NUAK1: variants seen among roughly 807,000 people sequenced by gnomAD.
NUAK1 encodes NUAK family SNF1-like kinase 1.
NUAK1 carries 26 observed loss-of-function variants against 56.9 expected under a neutral mutation model. The observed-to-expected ratio is 0.46, with a 90% CI of 0.33 to 0.63. The LOEUF is 0.63. Among genes scored for constraint, NUAK1 ranks in the 30% least tolerant of loss-of-function variants. The probability of loss-of-function intolerance (pLI) is 0.02; values close to 1 mark genes in which losing one functional copy is unlikely to be tolerated. For missense variants in NUAK1, 727 were observed against 876.1 expected (o/e 0.83, Z 2.15); for synonymous variants, 337 against 336.0 (o/e 1.00, Z -0.03).
intron 4 of NUAK1, among the ~76,000 whole-genome samples, chr12:106,074,057 A>G (rs2032436697): frequency 1.3e-5 from 2 of 151,988 alleles, no homozygotes; most frequent in South Asian, 4.2e-4. Flanking sequence ...ATATACATAC[A>G]TATACATATA....
At chr12:106,126,102 G>A (rs2033022589) in intron 1 of NUAK1, among the ~76,000 whole-genome samples, 1 of 152,110 alleles carries the variant, frequency 6.6e-6, no homozygotes, top group Non-Finnish European at 1.5e-5. Context: ...AAAATTCTGA[G>A]AGATTAAAGA....
intron 4 of NUAK1, among the ~76,000 whole-genome samples, chr12:106,081,791 C>T (rs1218573410): frequency 6.6e-6 from 1 of 152,202 alleles, no homozygotes; most frequent in Admixed American, 6.5e-5. Flanking sequence ...CCATAGAACC[C>T]AACCCCTAGG....
At position 106,138,644 on chromosome 12, in the gene NUAK1, C is replaced by A. The variant is rs1418981735; in HGVS notation, c.10G>T (p.Ala4Ser). The A allele has an allele frequency of 6.5e-7, 1 of 1,540,396 alleles. No homozygotes were observed. The highest frequency in any genetic ancestry group is 8.7e-7 in the Non-Finnish European group (1 of 1,152,386). ...CGGTCCCCCGCCACAGGCGCGGCGG[C>A]CCCTTCCATGTCCAAGCGCGGGGCG... MEG[A>S]AAPVAGDRPD... The change falls in exon 1 of 7, where the codon GCC becomes TCC. Residue 4 changes from alanine to serine, a missense_variant. Transcript: ENST00000261402. The surrounding 1 kb of genome is among the most constrained non-coding windows in gnomAD (Gnocchi z 5.0).
intron 1 of NUAK1, among the ~76,000 whole-genome samples, chr12:106,107,713 C>A (rs1232959220): frequency 1.3e-5 from 2 of 152,194 alleles, no homozygotes; most frequent in Non-Finnish European, 2.9e-5. Context: ...TTTAGGAGCA[C>A]GTGCTACTTC....
In NUAK1 at chr12:106,138,708, G is replaced by A; in HGVS notation, c.-55C>T. 6.9e-7 allele frequency: 1 copy of A among 1,442,370 alleles called. No individual in the cohort carries two copies. Among genetic ancestry groups the A allele is most frequent in the African/African-American group, 1.4e-5 (1 of 69,410 alleles). 89.3% of individuals were successfully genotyped at this position (1,442,370 alleles called of 1,614,324 possible). A position where few individuals can be genotyped will look rare whatever the true frequency, so the allele number is the denominator to read the frequency against. On this transcript the variant is annotated 5_prime_UTR_variant, in exon 1 of 7. Coordinates refer to ENST00000261402, the MANE Select transcript of NUAK1 (RefSeq NM_014840.3). The surrounding 1 kb of genome is among the most constrained non-coding windows in gnomAD (Gnocchi z 5.0). ...AGGGCAAGACCGGGCACAGCGCTGG[G>A]ATGTCGGGGTCCCCACCGAGGGAAG...
chr12:106,117,847 T>C (rs188192183), intron 1 of NUAK1, among the ~76,000 whole-genome samples: 2 of 152,290 alleles, frequency 1.3e-5, no homozygotes, highest in Admixed American at 6.5e-5. Context: ...GCCCCAGACA[T>C]AGCAAGCAGA....
chr12:106,077,788 C>T (rs554743025), intron 4 of NUAK1, among the ~76,000 whole-genome samples: 8 of 152,214 alleles, frequency 5.3e-5, no homozygotes, highest in East Asian at 1.9e-4. Context: ...GTGTATAATA[C>T]GCACTTGCAC....
Position 106,138,685 on chromosome 12 carries a change from G to A in NUAK1, c.-32C>T. The A allele has an allele frequency of 6.8e-7, 1 of 1,475,044 alleles. No homozygotes were observed. The highest frequency in any genetic ancestry group is 8.9e-7 in the Non-Finnish European group (1 of 1,122,674). 91.4% of individuals were successfully genotyped at this position (1,475,044 alleles called of 1,614,324 possible). The stretch of plus-strand genomic sequence containing the variant: ...GCGCGGGGCGAGCCGGGCTACAGAG[G>A]GCAAGACCGGGCACAGCGCTGGGAT... On this transcript the variant is annotated 5_prime_UTR_variant, in exon 1 of 7. Transcript: ENST00000261402. This position sits in a 1 kb window ranked among gnomAD's most constrained non-coding sequence, Gnocchi z 5.0.
intron 2 of NUAK1, among the ~76,000 whole-genome samples, chr12:106,101,970 C>T (rs1019868233): frequency 6.6e-6 from 1 of 152,138 alleles, no homozygotes. Flanking sequence ...TGGAATACAG[C>T]CTTGGCAATC....
chr12:106,063,631 C>T lies in NUAK1; in HGVS notation c.*3171G>A, dbSNP rs995717329. 6.6e-6 allele frequency: 1 copy of T among 150,402 alleles called. No individual in the cohort carries two copies. Among genetic ancestry groups the T allele is most frequent in the African/African-American group, 2.5e-5 (1 of 40,736 alleles). 9.3% of individuals were successfully genotyped at this position (150,402 alleles called of 1,614,324 possible). A position where few individuals can be genotyped will look rare whatever the true frequency, so the allele number is the denominator to read the frequency against. On this transcript the variant is annotated 3_prime_UTR_variant, in exon 7 of 7. Coordinates refer to ENST00000261402, the MANE Select transcript of NUAK1 (RefSeq NM_014840.3). ...AAAAGACAAATTCAAATAAAAAAGTCAACTTTTTATTACCAAAAAAAATAG... is the reference window on the plus strand; with the variant it reads ...AAAAGACAAATTCAAATAAAAAAGTTAACTTTTTATTACCAAAAAAAATAG...
intron 1 of NUAK1, among the ~76,000 whole-genome samples, chr12:106,135,912 A>G (rs924858790): frequency 6.6e-6 from 1 of 152,136 alleles, no homozygotes; most frequent in African/African-American, 2.4e-5. Context: ...TCGTTGACCA[A>G]TTTTTTGTTT....
chr12:106,084,628 G>C (rs1311060212), intron 3 of NUAK1, among the ~76,000 whole-genome samples: 2 of 152,226 alleles, frequency 1.3e-5, no homozygotes, highest in Non-Finnish European at 2.9e-5. Flanking sequence ...GGCAAGGCTG[G>C]AGGCTGAACT....
intron 1 of NUAK1, among the ~76,000 whole-genome samples, chr12:106,127,644 G>A (rs985847518): frequency 2.6e-5 from 4 of 152,178 alleles, no homozygotes; most frequent in Admixed American, 6.5e-5. Flanking sequence ...GAGACTCTCC[G>A]TACACTTGCA....
At chr12:106,102,279 T>C (rs1350496169) in intron 2 of NUAK1, among the ~76,000 whole-genome samples, 1 of 152,190 alleles carries the variant, frequency 6.6e-6, no homozygotes. Context: ...GAAAGCTATG[T>C]ACCCTCTCTC....
At chr12:106,133,854 T>A (rs2033104314) in intron 1 of NUAK1, among the ~76,000 whole-genome samples, 1 of 152,212 alleles carries the variant, frequency 6.6e-6, no homozygotes. Flanking sequence ...TTCTGCCTTC[T>A]CTTTCACCAG....
chr12:106,106,757 TTTTTGTTTTTGTTTTG>T (rs2032806166), intron 1 of NUAK1, among the ~76,000 whole-genome samples: 1 of 152,196 alleles, frequency 6.6e-6, no homozygotes, highest in Non-Finnish European at 1.5e-5. Flanking sequence ...GGTGGTTTTG[TTTTTGTTTTTGTTTTG>T]TTTTGTTTTT....
chr12:106,096,095 G>A (rs564377585), intron 2 of NUAK1, among the ~76,000 whole-genome samples: 69 of 152,116 alleles, frequency 4.5e-4, no homozygotes, highest in Middle Eastern at 3.4e-3. Flanking sequence ...GACTGCCTGC[G>A]CAAATTAAGA....
At chr12:106,084,469 A>C (rs2032552069) in intron 3 of NUAK1, among the ~76,000 whole-genome samples, 1 of 152,178 alleles carries the variant, frequency 6.6e-6, no homozygotes, top group South Asian at 2.1e-4. Context: ...CAACCTGGAG[A>C]GAAGACTCAG....
At chr12:106,089,865 G>T (rs2032617666) in intron 2 of NUAK1, among the ~76,000 whole-genome samples, 1 of 152,146 alleles carries the variant, frequency 6.6e-6, no homozygotes, top group South Asian at 2.1e-4. Context: ...CATCCTTTCT[G>T]GTTGCCAGAC....
Sources: gnomAD v4.1 joint callset for allele counts (sites outside exome capture counted in the v4.1 genomes callset) on GRCh38, gnomAD v4.1.1 for gene constraint, Gnocchi (gnomAD v3.1) non-coding constraint, MANE v1.5 for transcripts, NCBI Gene and HGNC (gene_info 2026-07-23, HGNC 2026-07-21) for gene names.